SMARCAD1: variants seen among roughly 807,000 people sequenced by gnomAD.
SMARCAD1 encodes SWI/SNF-related matrix-associated actin-dependent regulator of chromatin subfamily A containing DEAD/H box 1.
SMARCAD1 carries 25 observed loss-of-function variants against 127.1 expected under a neutral mutation model. The ratio of observed to expected loss-of-function variants is 0.20; its 90% CI spans 0.14 to 0.27. The LOEUF is 0.27. SMARCAD1 is among the 10% of genes least tolerant of loss of function. The pLI is 1.00. For missense variants in SMARCAD1, 807 were observed against 1,206.0 expected (o/e 0.67, Z 4.90); for synonymous variants, 400 against 396.9 (o/e 1.01, Z -0.09).
chr4:94,236,252 A>G (rs904517850), intron 4 of SMARCAD1, among the ~76,000 whole-genome samples: 1 of 152,194 alleles, frequency 6.6e-6, no homozygotes, highest in Non-Finnish European at 1.5e-5. Context: ...GATCTTTTTA[A>G]AACAAGTAAC....
intron 9 of SMARCAD1, chr4:94,253,301 T>G (rs1480776751): frequency 1.4e-6 from 2 of 1,382,486 alleles, no homozygotes; most frequent in African/African-American, 2.9e-5. Context: ...AAGAAGAAAT[T>G]AGAGCTTACA....
chr4:94,233,919 A>T, intron 3 of SMARCAD1, 35 bp from the exon 4 acceptor site: 1 of 1,607,160 alleles, frequency 6.2e-7, no homozygotes, highest in Non-Finnish European at 8.5e-7. Flanking sequence ...GTAATACATT[A>T]AAAATGTTTT....
chr4:94,215,643 AG>A (rs1265435111), intron 2 of SMARCAD1, among the ~76,000 whole-genome samples: 41 of 131,994 alleles, frequency 3.1e-4, no homozygotes, highest in African/African-American at 1.1e-3. Flanking sequence ...GGGGGGGAGG[AG>A]GGGGATAGAA....
chr4:94,213,255 A>G (rs1179113192), intron 2 of SMARCAD1: 1 of 446,796 alleles, frequency 2.2e-6, no homozygotes, highest in Admixed American at 3.6e-5. Flanking sequence ...CAAATGATTG[A>G]ATTATCCATT....
chr4:94,219,049 T>G (rs1458210163), intron 2 of SMARCAD1, among the ~76,000 whole-genome samples: 1 of 152,148 alleles, frequency 6.6e-6, no homozygotes, highest in Non-Finnish European at 1.5e-5. Flanking sequence ...TGACCTCAAG[T>G]GATCTGCCCA....
chr4:94,260,424 A>C (rs1362144882), intron 9 of SMARCAD1, among the ~76,000 whole-genome samples: 1 of 151,950 alleles, frequency 6.6e-6, no homozygotes, highest in African/African-American at 2.4e-5. Context: ...GCTCACTGCA[A>C]CCTCTGCCTC....
At chr4:94,237,095 C>G (rs1380198594) in intron 5 of SMARCAD1, 77 bp downstream of exon 5, 6 of 1,161,222 alleles carry the variant, frequency 5.2e-6, no homozygotes, top group Non-Finnish European at 7.7e-6. Flanking sequence ...TAATATTGCT[C>G]CACAGTTTAT....
chr4:94,245,479 AAGG>A (rs765222271), intron 6 of SMARCAD1, among the ~76,000 whole-genome samples: 3 of 152,182 alleles, frequency 2.0e-5, no homozygotes, highest in African/African-American at 4.8e-5. Flanking sequence ...TTTAGTGTAA[AAGG>A]AGGAGGCTGG....
chr4:94,208,063 G>C lies in SMARCAD1; in HGVS notation c.-57G>C, dbSNP rs1286012447. ...GTTATACTGGGGAACGTGCCTGCGC[G>C]TGCTTGGGTAAGAGGAGGTTGCATG... On this transcript the variant is annotated 5_prime_UTR_variant, in exon 1 of 24. Coordinates refer to ENST00000354268, the MANE Select transcript of SMARCAD1 (RefSeq NM_020159.5). The C allele has an allele frequency of 1.0e-5, 5 of 490,222 alleles. No homozygotes were observed. The highest frequency in any genetic ancestry group is 9.7e-5 in the African/African-American group (5 of 51,588). The allele number at this position is 490,222 out of a possible 1,614,324, so 30.4% of individuals were successfully genotyped here.
intron 9 of SMARCAD1, among the ~76,000 whole-genome samples, chr4:94,257,188 TA>T (rs1298535748): frequency 6.6e-6 from 1 of 152,198 alleles, no homozygotes; most frequent in Non-Finnish European, 1.5e-5. Flanking sequence ...ATTAGCTTTT[TA>T]ACTTTCTTCC....
chr4:94,208,258 C>T (rs1171483108), intron 1 of SMARCAD1, 88 bp from the exon 2 acceptor site: 10 of 942,884 alleles, frequency 1.1e-5, no homozygotes, highest in East Asian at 2.4e-5. Flanking sequence ...TTTGCGGGCC[C>T]TTTATTGCCT....
intron 9 of SMARCAD1, among the ~76,000 whole-genome samples, chr4:94,255,371 A>C (rs1328673240): frequency 6.6e-6 from 1 of 152,048 alleles, no homozygotes; most frequent in Non-Finnish European, 1.5e-5. Flanking sequence ...ATTTTTGTTA[A>C]AAGTGAGGTT....
At chr4:94,281,401 T>C (rs1754004933) in intron 20 of SMARCAD1, 71 bp from the exon 21 acceptor site, 1 of 1,038,124 alleles carries the variant, frequency 9.6e-7, no homozygotes, top group Non-Finnish European at 1.5e-6. Context: ...CTTCTAACTG[T>C]TTAAACCTGT....
chr4:94,262,642 CAT>C (rs1751170251), intron 9 of SMARCAD1, among the ~76,000 whole-genome samples: 1 of 152,118 alleles, frequency 6.6e-6, no homozygotes, highest in African/African-American at 2.4e-5. Flanking sequence ...TAGGTTCTGA[CAT>C]GTGAATTTAT....
intron 9 of SMARCAD1, among the ~76,000 whole-genome samples, chr4:94,254,486 A>G (rs897111314): frequency 1.3e-5 from 2 of 152,178 alleles, no homozygotes; most frequent in Non-Finnish European, 2.9e-5. Context: ...TACCAGAGGT[A>G]TATGTGCCAG....
intron 3 of SMARCAD1, among the ~76,000 whole-genome samples, chr4:94,232,608 T>C (rs1161581425): frequency 6.6e-6 from 1 of 152,204 alleles, no homozygotes; most frequent in Admixed American, 6.5e-5. Flanking sequence ...CTCGTTACTT[T>C]AGAGCGGTTT....
intron 23 of SMARCAD1, among the ~76,000 whole-genome samples, chr4:94,287,273 C>T (rs948023697): frequency 6.6e-6 from 1 of 152,134 alleles, no homozygotes; most frequent in African/African-American, 2.4e-5. Context: ...AGCTGTGTCC[C>T]GGGTTTCATT....
At chr4:94,257,012 A>G (rs1750200840) in intron 9 of SMARCAD1, among the ~76,000 whole-genome samples, 1 of 152,198 alleles carries the variant, frequency 6.6e-6, no homozygotes, top group Non-Finnish European at 1.5e-5. Flanking sequence ...ATTCAAAAAT[A>G]TCTGTACAGT....
intron 9 of SMARCAD1, among the ~76,000 whole-genome samples, chr4:94,258,487 A>G (rs1210427498): frequency 6.6e-6 from 1 of 152,096 alleles, no homozygotes; most frequent in Non-Finnish European, 1.5e-5. Flanking sequence ...TCTCTTTTAG[A>G]AAATCAGGAA....
Sources: gnomAD v4.1 joint callset for allele counts (sites outside exome capture counted in the v4.1 genomes callset) on GRCh38, gnomAD v4.1.1 for gene constraint, MANE v1.5 for transcripts, NCBI Gene and HGNC (gene_info 2026-07-23, HGNC 2026-07-21) for gene names.